LIMD1: variants seen among roughly 807,000 people sequenced by gnomAD.
LIMD1 encodes LIM domain-containing protein 1.
A neutral mutation model predicts 58.4 loss-of-function variants in LIMD1; 23 were observed. That is an observed-to-expected ratio of 0.39 (90% confidence interval 0.28 to 0.56). LIMD1 has a LOEUF of 0.56. Among genes scored for constraint, LIMD1 ranks in the 20% least tolerant of loss-of-function variants. LIMD1 has a pLI of 0.57. For synonymous variants in LIMD1, 334 were observed against 345.5 expected, an observed-to-expected ratio of 0.97 and a Z score of 0.37; for missense variants, 838 against 855.5, an observed-to-expected ratio of 0.98 and a Z score of 0.25.
intron 1 of LIMD1, among the ~76,000 whole-genome samples, chr3:45,619,632 C>G (rs776593134): frequency 6.6e-6 from 1 of 152,028 alleles, no homozygotes; most frequent in Non-Finnish European, 1.5e-5. Context: ...AACCCCATCT[C>G]TACTAAAAAT....
At chr3:45,656,154 A>G (rs1282144256) in intron 2 of LIMD1, among the ~76,000 whole-genome samples, 1 of 152,220 alleles carries the variant, frequency 6.6e-6, no homozygotes, top group Non-Finnish European at 1.5e-5. Flanking sequence ...ATCCTCACCA[A>G]GAACCTGACC....
intron 6 of LIMD1, chr3:45,673,845 G>A (rs1041248867): frequency 3.2e-6 from 1 of 310,862 alleles, no homozygotes; most frequent in Non-Finnish European, 6.1e-6. Context: ...AGCTATGATG[G>A]TGCTACTGCA....
At chr3:45,602,763 A>G (rs1472655828) in intron 1 of LIMD1, among the ~76,000 whole-genome samples, 3 of 151,840 alleles carry the variant, frequency 2.0e-5, no homozygotes, top group Non-Finnish European at 4.4e-5. Flanking sequence ...CCCTATCTGC[A>G]TGTCTACATG....
chr3:45,611,158 C>T (rs1431865484), intron 1 of LIMD1, among the ~76,000 whole-genome samples: 2 of 152,234 alleles, frequency 1.3e-5, no homozygotes, highest in Admixed American at 6.5e-5. Context: ...CTTGTCCCAT[C>T]TGAAAGCCAA....
intron 1 of LIMD1, among the ~76,000 whole-genome samples, chr3:45,599,260 G>A (rs1393436040): frequency 5.9e-5 from 9 of 151,826 alleles, no homozygotes; most frequent in Non-Finnish European, 1.2e-4. Context: ...GAACACCTCC[G>A]TCCAGTTCCA....
At chr3:45,618,153 G>A (rs960038419) in intron 1 of LIMD1, among the ~76,000 whole-genome samples, 5 of 152,164 alleles carry the variant, frequency 3.3e-5, no homozygotes, top group Admixed American at 6.5e-5. Flanking sequence ...GCTGGAGTTT[G>A]TGTTTTCCGT....
At chr3:45,654,016 A>G (rs1264047654) in intron 2 of LIMD1, among the ~76,000 whole-genome samples, 1 of 152,142 alleles carries the variant, frequency 6.6e-6, no homozygotes, top group African/African-American at 2.4e-5. Flanking sequence ...CAGATATTCT[A>G]AAGCTTCCCT....
chr3:45,675,597 AATTAAAAC>A, intron 7 of LIMD1, among the ~76,000 whole-genome samples: 1 of 108,190 alleles, frequency 9.2e-6, no homozygotes, highest in Non-Finnish European at 2.4e-5. Context: ...TGGTAGTCAC[AATTAAAAC>A]GTTAAAGAAT....
At chr3:45,596,689 T>G (rs1423483997) in intron 1 of LIMD1, among the ~76,000 whole-genome samples, 3 of 151,992 alleles carry the variant, frequency 2.0e-5, no homozygotes, top group African/African-American at 7.2e-5. Context: ...GCGTTCAGTC[T>G]GTAGTTGGTT....
chr3:45,674,700 T>C, intron 7 of LIMD1: 1 of 305,734 alleles, frequency 3.3e-6, no homozygotes, highest in South Asian at 8.2e-5. Context: ...AGAGCATGGG[T>C]TTCAGGTCCT....
chr3:45,676,463 C>T (rs1697673773), intron 7 of LIMD1, among the ~76,000 whole-genome samples: 1 of 152,166 alleles, frequency 6.6e-6, no homozygotes, highest in Non-Finnish European at 1.5e-5. Flanking sequence ...TCACCCCCAC[C>T]TCCCAACAGG....
At chr3:45,662,993 AAAC>A (rs943495277) in intron 2 of LIMD1, among the ~76,000 whole-genome samples, 1 of 152,120 alleles carries the variant, frequency 6.6e-6, no homozygotes, top group Non-Finnish European at 1.5e-5. Flanking sequence ...CAAAAAAAAA[AAAC>A]AAAACAGTAC....
intron 1 of LIMD1, chr3:45,632,368 T>C (rs1190844271): frequency 1.4e-5 from 3 of 211,334 alleles, no homozygotes; most frequent in South Asian, 1.7e-4. Flanking sequence ...ATTTGAATTA[T>C]GTCATCGCCA....
Position 45,618,257 on chromosome 3 carries a change from C to T in LIMD1, c.1409-17893C>T, listed in dbSNP as rs534218881. Among the ~76,000 whole-genome samples, 74 of 152,286 alleles carry T rather than the reference C, an allele frequency of 4.9e-4. 1 individual carries two copies. Among genetic ancestry groups the T allele is most frequent in the African/African-American group, 1.7e-3 (70 of 41,576 alleles). On this transcript the variant is annotated intron_variant, in intron 1 of 7. Transcript: ENST00000273317. Reference sequence around the variant, plus strand: ...AAGGAGAGAAGCTAAGGTCAGATTGCGTGCGTCATTCATTCATTCCTTCAC... The same window carrying T: ...AAGGAGAGAAGCTAAGGTCAGATTGTGTGCGTCATTCATTCATTCCTTCAC...
intron 1 of LIMD1, 62 bp downstream of exon 1, chr3:45,596,349 C>A (rs1701351293): frequency 1.5e-6 from 2 of 1,306,956 alleles, no homozygotes; most frequent in Non-Finnish European, 2.1e-6. Flanking sequence ...GATTGGGGAA[C>A]ATGCCCCCTA....
intron 2 of LIMD1, among the ~76,000 whole-genome samples, chr3:45,643,141 G>A (rs1008559561): frequency 6.6e-6 from 1 of 152,170 alleles, no homozygotes; most frequent in Non-Finnish European, 1.5e-5. Context: ...CATGAGAGGA[G>A]GAAAAACACG....
intron 1 of LIMD1, among the ~76,000 whole-genome samples, chr3:45,604,159 G>C (rs897371563): frequency 6.6e-6 from 1 of 152,240 alleles, no homozygotes; most frequent in African/African-American, 2.4e-5. Context: ...GTGAAGCTTG[G>C]GCTGGAGACA....
chr3:45,594,884 A>G lies in LIMD1; in HGVS notation c.5A>G (p.Asp2Gly). ...GCCCGGACACCTGTCTGCAGCATGG[A>G]TAAGTATGACGACCTGGGCCTGGAG... MDKYDDLGLEAS... is the reference protein window; with the variant it reads MGKYDDLGLEAS... Residue 2 changes from aspartate to glycine, a missense_variant, in exon 1 of 8, where the codon GAT becomes GGT. Asp to Gly is a moderately conservative substitution (Grantham distance 94). Transcript: ENST00000273317. The G allele has an allele frequency of 6.2e-7, 1 of 1,605,526 alleles. No individual in the cohort carries two copies. Among genetic ancestry groups the G allele is most frequent in the Non-Finnish European group, 8.5e-7 (1 of 1,176,350 alleles).
chr3:45,672,926 A>G, intron 5 of LIMD1, 106 bp downstream of exon 5: 3 of 1,357,978 alleles, frequency 2.2e-6, no homozygotes, highest in South Asian at 2.5e-5. Flanking sequence ...CCGCCCTTAG[A>G]TCACAGTCCA....
Sources: gnomAD v4.1 joint callset for allele counts (sites outside exome capture counted in the v4.1 genomes callset) on GRCh38, gnomAD v4.1.1 for gene constraint, MANE v1.5 for transcripts, NCBI Gene and HGNC (gene_info 2026-07-23, HGNC 2026-07-21) for gene names.